The following ABCA12 variants were observed in gnomAD, a reference collection of about 807,000 sequenced individuals.
The protein encoded by ABCA12 is glucosylceramide transporter ABCA12.
Under a neutral mutation model 293.5 loss-of-function variants are expected in ABCA12, and 156 were observed. That is an observed-to-expected ratio of 0.53 (90% CI 0.47 to 0.61). The LOEUF is 0.61. Ranked by LOEUF, ABCA12 falls within the 20% of genes least tolerant of loss-of-function variation. The pLI, the probability that ABCA12 is intolerant of heterozygous loss-of-function variation, is 0.00. For synonymous variants in ABCA12, 1,063 were observed against 1,108.0 expected, an observed-to-expected ratio of 0.96 and a Z score of 0.81; for missense variants, 2,797 against 3,090.2, an observed-to-expected ratio of 0.91 and a Z score of 2.25.
At chr2:214,993,738 A>G (rs1183747240) in intron 23 of ABCA12, among the ~76,000 whole-genome samples, 1 of 152,236 alleles carries the variant, frequency 6.6e-6, no homozygotes, top group African/African-American at 2.4e-5. Context: ...TATCTAGACC[A>G]TATCAAGGCC....
At chr2:214,959,650 A>G (rs1247350212) in intron 39 of ABCA12, among the ~76,000 whole-genome samples, 4 of 152,152 alleles carry the variant, frequency 2.6e-5, no homozygotes, top group Admixed American at 6.6e-5. Context: ...AACTTCAGCC[A>G]TACCCGAGGC....
intron 15 of ABCA12, chr2:215,013,710 T>C (rs1163857511): frequency 1.9e-5 from 3 of 153,984 alleles, no homozygotes; most frequent in Non-Finnish European, 4.4e-5. Flanking sequence ...GTAATAATAG[T>C]AATTTCATGT....
rs1698652961 is a variant in ABCA12 at position 214,948,537 on chromosome 2, G to T, written c.7104+59C>A. On this transcript the variant is annotated intron_variant, in intron 47 of 52. Transcript: ENST00000272895. Reference sequence around the variant, plus strand: ...GGGACAGTGGGTGTGGTGGGGTGGGGGATGGAAGTAGAAACAATAATGGTT... The same window carrying T: ...GGGACAGTGGGTGTGGTGGGGTGGGTGATGGAAGTAGAAACAATAATGGTT... The T allele has an allele frequency of 7.0e-6, 11 of 1,576,598 alleles. No homozygotes were observed. In the South Asian group the frequency reaches 1.1e-4, roughly 16 times the overall value.
intron 39 of ABCA12, among the ~76,000 whole-genome samples, chr2:214,966,361 C>A (rs926033093): frequency 1.3e-5 from 2 of 152,046 alleles, no homozygotes; most frequent in Non-Finnish European, 2.9e-5. Flanking sequence ...ATGTAACAAA[C>A]CTGCACATCT....
intron 1 of ABCA12, among the ~76,000 whole-genome samples, chr2:215,131,028 G>C (rs1703043313): frequency 6.6e-6 from 1 of 151,764 alleles, no homozygotes. Flanking sequence ...GCTTAGTTCT[G>C]CTTATGTGGT....
chr2:215,017,479 T>C (rs1231364277), intron 14 of ABCA12, among the ~76,000 whole-genome samples: 1 of 152,164 alleles, frequency 6.6e-6, no homozygotes. Flanking sequence ...GTACGACTTT[T>C]AAAAAGTAAA....
chr2:215,066,670 G>A (rs2106076700), intron 2 of ABCA12, among the ~76,000 whole-genome samples: 1 of 152,212 alleles, frequency 6.6e-6, no homozygotes, highest in South Asian at 2.1e-4. Context: ...AGTATAGACA[G>A]TCTATGCTTT....
chr2:214,971,337 T>C (rs1222266359), intron 36 of ABCA12, among the ~76,000 whole-genome samples: 2 of 152,204 alleles, frequency 1.3e-5, no homozygotes, highest in Non-Finnish European at 2.9e-5. Context: ...AGAATACTCT[T>C]ATGTATTCGT....
At chr2:215,058,840 G>C (rs1701473260) in intron 3 of ABCA12, among the ~76,000 whole-genome samples, 1 of 151,580 alleles carries the variant, frequency 6.6e-6, no homozygotes, top group Admixed American at 6.6e-5. Context: ...ATCATTCTGA[G>C]GAAAAAAAAA....
chr2:215,125,223 A>C (rs1188836623), intron 1 of ABCA12, among the ~76,000 whole-genome samples: 1 of 152,140 alleles, frequency 6.6e-6, no homozygotes, highest in African/African-American at 2.4e-5. Flanking sequence ...GTAGAGCTTG[A>C]AATCAGGTAG....
chr2:215,033,736 T>C (rs954093755), intron 8 of ABCA12, among the ~76,000 whole-genome samples: 1 of 151,966 alleles, frequency 6.6e-6, no homozygotes, highest in Non-Finnish European at 1.5e-5. Flanking sequence ...GGTCAGGAGA[T>C]CGAGATCATC....
At chr2:215,059,740 G>A (rs946037526) in intron 3 of ABCA12, among the ~76,000 whole-genome samples, 11 of 151,918 alleles carry the variant, frequency 7.2e-5, no homozygotes, top group Non-Finnish European at 1.3e-4. Flanking sequence ...TCTCTCAGAT[G>A]ACACTGTGCA....
At chr2:214,987,827 T>C in intron 26 of ABCA12, 34 bp from the exon 27 acceptor site, 2 of 1,607,504 alleles carry the variant, frequency 1.2e-6, no homozygotes, top group Non-Finnish European at 1.7e-6. Context: ...CAGTGAGTTT[T>C]AGTTGACTGT....
intron 10 of ABCA12, among the ~76,000 whole-genome samples, chr2:215,026,455 C>T (rs1042170327): frequency 1.3e-5 from 2 of 152,146 alleles, no homozygotes; most frequent in Admixed American, 6.5e-5. Flanking sequence ...CATTCCTTAA[C>T]ATTTTTTAAC....
At chr2:215,081,410 G>A (rs1199319622) in intron 2 of ABCA12, among the ~76,000 whole-genome samples, 1 of 147,732 alleles carries the variant, frequency 6.8e-6, no homozygotes, top group African/African-American at 2.5e-5. Flanking sequence ...TTCTGGGGAG[G>A]CAGAGGTACA....
intron 50 of ABCA12, among the ~76,000 whole-genome samples, chr2:214,938,665 C>T (rs1243086170): frequency 6.6e-6 from 1 of 152,070 alleles, no homozygotes; most frequent in Non-Finnish European, 1.5e-5. Context: ...TTCTAACTGG[C>T]GTGAGATGGT....
intron 1 of ABCA12, among the ~76,000 whole-genome samples, chr2:215,123,915 GC>G (rs1177578192): frequency 6.6e-6 from 1 of 151,732 alleles, no homozygotes; most frequent in African/African-American, 2.4e-5. Context: ...TCTATCCCTC[GC>G]CCCCCTCTCA....
At chr2:215,068,175 T>C (rs948770952) in intron 2 of ABCA12, among the ~76,000 whole-genome samples, 2 of 152,090 alleles carry the variant, frequency 1.3e-5, no homozygotes, top group Admixed American at 1.3e-4. Context: ...AAATAAAAAT[T>C]TCAGATCCCA....
intron 11 of ABCA12, among the ~76,000 whole-genome samples, chr2:215,020,071 C>T (rs533955309): frequency 6.6e-6 from 1 of 152,022 alleles, no homozygotes; most frequent in East Asian, 1.9e-4. Context: ...TAGTTTTATC[C>T]AGCTTAACTC....
Sources: gnomAD v4.1 joint callset for allele counts (sites outside exome capture counted in the v4.1 genomes callset) on GRCh38, gnomAD v4.1.1 for gene constraint, MANE v1.5 for transcripts, NCBI Gene and HGNC (gene_info 2026-07-23, HGNC 2026-07-21) for gene names.